MYO5A: variants seen among roughly 807,000 people sequenced by gnomAD.
MYO5A encodes the protein myosin VA.
MYO5A carries 98 observed loss-of-function variants against 249.7 expected under a neutral mutation model. That is an observed-to-expected ratio of 0.39 (90% CI 0.33 to 0.46). MYO5A has a LOEUF of 0.46. Ranked by LOEUF, MYO5A falls within the 20% of genes least tolerant of loss-of-function variation. MYO5A has a pLI of 0.98. For synonymous variants in MYO5A, 778 were observed against 810.6 expected (o/e 0.96, Z 0.68); for missense variants, 1,696 against 2,308.8 (o/e 0.73, Z 5.44).
intron 1 of MYO5A, among the ~76,000 whole-genome samples, chr15:52,468,123 G>A (rs971215451): frequency 9.2e-5 from 14 of 152,214 alleles, no homozygotes; most frequent in South Asian, 2.1e-4. Context: ...GCTGAGGCAT[G>A]AGGATTGCTT....
chr15:52,495,877 T>C (rs2077027768), intron 1 of MYO5A, among the ~76,000 whole-genome samples: 3 of 152,004 alleles, frequency 2.0e-5, no homozygotes, highest in African/African-American at 7.3e-5. Context: ...TGAGTTTAAG[T>C]TAGAAAATTC....
intron 1 of MYO5A, among the ~76,000 whole-genome samples, chr15:52,520,422 G>C (rs1001192369): frequency 2.0e-5 from 3 of 152,146 alleles, no homozygotes; most frequent in Non-Finnish European, 4.4e-5. Context: ...TCTTCCTCCA[G>C]GCCCAGTGCT....
At chr15:52,350,295 A>C (rs2039877033) in intron 28 of MYO5A, among the ~76,000 whole-genome samples, 1 of 152,200 alleles carries the variant, frequency 6.6e-6, no homozygotes, top group Non-Finnish European at 1.5e-5. Flanking sequence ...CAGGAATTTT[A>C]TTCCCCCAAA....
In MYO5A at chr15:52,389,372, A is replaced by G; in HGVS notation, c.1543-9T>C. On this transcript the variant is annotated splice_polypyrimidine_tract_variant and intron_variant, in intron 12 of 41. Coordinates refer to ENST00000399233, the MANE Select transcript of MYO5A (RefSeq NM_001382347.1). ...TCTGTGCCTTTAGGCATCTATATTCATGGAAAAAAGGAAGAAAGAAAACAA... is the reference window on the plus strand; with the variant it reads ...TCTGTGCCTTTAGGCATCTATATTCGTGGAAAAAAGGAAGAAAGAAAACAA... 6.2e-7 allele frequency: 1 copy of G among 1,607,806 alleles called. No homozygotes were observed. The highest frequency in any genetic ancestry group is 8.5e-7 in the Non-Finnish European group (1 of 1,176,494).
intron 5 of MYO5A, among the ~76,000 whole-genome samples, chr15:52,413,086 G>GAGATC (rs2141243941): frequency 6.7e-6 from 1 of 149,852 alleles, no homozygotes; most frequent in African/African-American, 2.5e-5. Context: ...GGTGGAGGCT[G>GAGATC]CAGTGAGCTG....
intron 1 of MYO5A, among the ~76,000 whole-genome samples, chr15:52,460,511 C>T (rs918129181): frequency 2.6e-5 from 4 of 152,176 alleles, no homozygotes; most frequent in Admixed American, 2.0e-4. Flanking sequence ...TCAGGTGTGG[C>T]GGCGCGCGCC....
chr15:52,368,583 T>A (rs2040931790), intron 22 of MYO5A, among the ~76,000 whole-genome samples: 1 of 152,298 alleles, frequency 6.6e-6, no homozygotes, highest in South Asian at 2.1e-4. Flanking sequence ...AATGTTTTCA[T>A]TCTTCCCCTA....
intron 1 of MYO5A, among the ~76,000 whole-genome samples, chr15:52,437,312 G>A (rs146029837): frequency 1.7e-3 from 253 of 152,142 alleles, no homozygotes; most frequent in African/African-American, 5.9e-3. Context: ...ATTAAGAGTC[G>A]GGCTGGGCAC....
intron 2 of MYO5A, among the ~76,000 whole-genome samples, chr15:52,429,850 C>T (rs1443207257): frequency 6.6e-6 from 1 of 152,160 alleles, no homozygotes. Context: ...AGGGATCCTC[C>T]TGCATTGGCC....
At chr15:52,485,802 T>C (rs990138313) in intron 1 of MYO5A, among the ~76,000 whole-genome samples, 2 of 152,222 alleles carry the variant, frequency 1.3e-5, no homozygotes, top group Non-Finnish European at 2.9e-5. Context: ...AGTAATATGC[T>C]AAATAATTAA....
chr15:52,415,527 G>C (rs190888306), intron 5 of MYO5A, among the ~76,000 whole-genome samples: 3 of 152,188 alleles, frequency 2.0e-5, no homozygotes, highest in Admixed American at 2.0e-4. Flanking sequence ...TACAGTTACT[G>C]TCTTTTATGA....
At position 52,525,879 on chromosome 15, in the gene MYO5A, C is replaced by G. The variant is rs573365747; in HGVS notation, c.27+2901G>C. Among the ~76,000 whole-genome samples, 7 of 152,294 alleles carry G rather than the reference C, an allele frequency of 4.6e-5. No individual in the cohort carries two copies. The East Asian group carries it at 1.2e-3, about 25-fold the overall frequency. On this transcript the variant is annotated intron_variant, in intron 1 of 41. Transcript: ENST00000399233. Reference sequence around the variant, plus strand: ...AGGTAACAGCAGGTTATTTATGCCCCTATAGATTCAAAGTGGGTCAAGAAT... The same window carrying G: ...AGGTAACAGCAGGTTATTTATGCCCGTATAGATTCAAAGTGGGTCAAGAAT...
chr15:52,413,769 C>G (rs1000003140), intron 5 of MYO5A, among the ~76,000 whole-genome samples: 4 of 152,136 alleles, frequency 2.6e-5, no homozygotes, highest in Admixed American at 6.5e-5. Flanking sequence ...TAGTTCAACT[C>G]TTTACCAAAT....
intron 24 of MYO5A, among the ~76,000 whole-genome samples, chr15:52,361,463 G>A (rs1022369034): frequency 3.3e-5 from 5 of 152,104 alleles, no homozygotes; most frequent in Non-Finnish European, 7.4e-5. Context: ...ATTGCTTTTT[G>A]CTATTTAATG....
At chr15:52,323,784 G>T (rs2038446231) in intron 36 of MYO5A, 1 of 314,194 alleles carries the variant, frequency 3.2e-6, no homozygotes, top group South Asian at 2.9e-5. Flanking sequence ...CAGATGGATT[G>T]CCTGGGGTCA....
chr15:52,407,821 C>T (rs931444722), intron 7 of MYO5A, among the ~76,000 whole-genome samples: 9 of 152,012 alleles, frequency 5.9e-5, no homozygotes, highest in South Asian at 2.1e-4. Context: ...CCTAGGTACT[C>T]ATTACTCATC....
chr15:52,322,131 T>C (rs914387098), intron 37 of MYO5A, among the ~76,000 whole-genome samples: 1 of 152,248 alleles, frequency 6.6e-6, no homozygotes, highest in Non-Finnish European at 1.5e-5. Flanking sequence ...GTTTGCCTGA[T>C]GCTACGTGAT....
chr15:52,310,305 C>T lies in MYO5A; in HGVS notation c.*3391G>A, dbSNP rs563594620. On this transcript the variant is annotated 3_prime_UTR_variant, in exon 42 of 42. Coordinates refer to ENST00000399233, the MANE Select transcript of MYO5A (RefSeq NM_001382347.1). Reference sequence around the variant, plus strand: ...TATCTTCCCTCCTTTTAGAGTTACTCTCAGGCAGATCAAAGCCTTAACCTG... The same window carrying T: ...TATCTTCCCTCCTTTTAGAGTTACTTTCAGGCAGATCAAAGCCTTAACCTG... The T allele has an allele frequency of 3.3e-5, 5 of 152,308 alleles. No individual in the cohort carries two copies. The East Asian group carries it at 9.6e-4, about 29-fold the overall frequency. 9.4% of individuals were successfully genotyped at this position (152,308 alleles called of 1,614,324 possible).
intron 1 of MYO5A, among the ~76,000 whole-genome samples, chr15:52,489,540 G>A (rs1045306051): frequency 2.7e-5 from 4 of 150,590 alleles, no homozygotes; most frequent in Non-Finnish European, 5.9e-5. Flanking sequence ...CTCCAGCCTG[G>A]TGACAGAGCA....
Sources: allele counts gnomAD v4.1 joint callset (sites outside exome capture counted in the v4.1 genomes callset), GRCh38; gene constraint gnomAD v4.1.1; transcripts MANE v1.5; gene names NCBI Gene and HGNC (gene_info 2026-07-23, HGNC 2026-07-21).